The following PLCZ1 variants were observed in gnomAD, a reference collection of about 807,000 sequenced individuals.
PLCZ1 encodes the protein phospholipase C zeta 1.
A neutral mutation model predicts 76.8 loss-of-function variants in PLCZ1; 64 were observed. That is an observed-to-expected ratio of 0.83 (90% CI 0.68 to 1.03). The LOEUF (loss-of-function observed/expected upper bound fraction) is 1.03, where lower values mean the gene tolerates loss of function less well. Among genes scored for constraint, PLCZ1 ranks in the 50% least tolerant of loss-of-function variants. PLCZ1 has a pLI of 0.00. For synonymous variants in PLCZ1, 248 were observed against 230.8 expected, an observed-to-expected ratio of 1.07 and a Z score of -0.68; for missense variants, 751 against 713.7, an observed-to-expected ratio of 1.05 and a Z score of -0.60.
intron 9 of PLCZ1, among the ~76,000 whole-genome samples, chr12:18,700,679 T>A (rs928962805): frequency 1.3e-5 from 2 of 152,262 alleles, no homozygotes; most frequent in Admixed American, 6.5e-5. Context: ...TGACTTTATG[T>A]GAGACACTAT....
chr12:18,678,044 G>T, the PLCZ1 span, among the ~76,000 whole-genome samples: 1 of 152,030 alleles, frequency 6.6e-6, no homozygotes. Context: ...TGACATTGTG[G>T]ATATGTGGAT....
chr12:18,656,142 A>C, the PLCZ1 span, among the ~76,000 whole-genome samples: 6 of 152,152 alleles, frequency 3.9e-5, no homozygotes, highest in Non-Finnish European at 8.8e-5. Flanking sequence ...CAAAAACAGC[A>C]AATATGCTGG....
At chr12:18,696,451 T>C (rs1955051612) in intron 10 of PLCZ1, among the ~76,000 whole-genome samples, 185 bp from the exon 11 acceptor site, 1 of 150,502 alleles carries the variant, frequency 6.6e-6, no homozygotes, top group Non-Finnish European at 1.5e-5. Context: ...TTTATGTTTA[T>C]AGTATAATTC....
intron 7 of PLCZ1, among the ~76,000 whole-genome samples, chr12:18,702,691 T>C (rs925957169): frequency 6.6e-6 from 1 of 152,134 alleles, no homozygotes; most frequent in African/African-American, 2.4e-5. Flanking sequence ...AAGGGACAAA[T>C]TCCTAGGATC....
chr12:18,700,512 C>CAGAAAAAA (rs1955739243), intron 9 of PLCZ1, among the ~76,000 whole-genome samples: 1 of 67,896 alleles, frequency 1.5e-5, no homozygotes, highest in Non-Finnish European at 2.5e-5. Flanking sequence ...AGCCAACGTA[C>CAGAAAAAA]AAAAAAAAAA....
chr12:18,711,596 G>T (rs1174473612), intron 6 of PLCZ1, among the ~76,000 whole-genome samples: 4 of 151,130 alleles, frequency 2.6e-5, no homozygotes, highest in Non-Finnish European at 5.9e-5. Flanking sequence ...AGAATTGACT[G>T]AGGGGACTGA....
At chr12:18,728,951 T>C (rs1018489357) in intron 3 of PLCZ1, among the ~76,000 whole-genome samples, 2 of 151,974 alleles carry the variant, frequency 1.3e-5, no homozygotes, top group Non-Finnish European at 2.9e-5. Context: ...AGTGGCTGAG[T>C]TGATTCCAGG....
At chr12:18,705,675 G>C (rs865919997) in intron 6 of PLCZ1, among the ~76,000 whole-genome samples, 1 of 151,366 alleles carries the variant, frequency 6.6e-6, no homozygotes, top group Non-Finnish European at 1.5e-5. Context: ...AGGCCAGCTT[G>C]TCCAGCATAG....
At chr12:18,732,168 TC>T (rs1449670218) in intron 3 of PLCZ1, among the ~76,000 whole-genome samples, 3 of 152,100 alleles carry the variant, frequency 2.0e-5, no homozygotes, top group Admixed American at 1.3e-4. Context: ...AATTATTTTT[TC>T]CCCACAGGGT....
chr12:18,661,197 A>G, the PLCZ1 span, among the ~76,000 whole-genome samples: 2 of 152,152 alleles, frequency 1.3e-5, no homozygotes, highest in Non-Finnish European at 2.9e-5. Context: ...CCATTGTAAG[A>G]GTTCTGCAAG....
chr12:18,659,663 C>CTTTTTTTTTTTTTTTTTTT, the PLCZ1 span, among the ~76,000 whole-genome samples: 2 of 133,790 alleles, frequency 1.5e-5, no homozygotes, highest in Admixed American at 7.5e-5. Context: ...GTTCTCCATT[C>CTTTTTTTTTTTTTTTTTTT]TTTTTTTTTT....
downstream of PLCZ1, among the ~76,000 whole-genome samples, chr12:18,680,255 A>G (rs114603706): frequency 0.016 from 2,460 of 152,174 alleles, 69 homozygotes; most frequent in African/African-American, 0.057. Flanking sequence ...ACTAACCAAC[A>G]GCACAAGCTT....
chr12:18,662,290 G>A, the PLCZ1 span, among the ~76,000 whole-genome samples: 2 of 134,454 alleles, frequency 1.5e-5, no homozygotes, highest in African/African-American at 5.1e-5. Flanking sequence ...TAGCAAACCT[G>A]AACATGTACC....
the PLCZ1 span, among the ~76,000 whole-genome samples, chr12:18,650,720 A>ATATATATATC: frequency 1.9e-4 from 2 of 10,588 alleles, no homozygotes; most frequent in Non-Finnish European, 3.4e-4. Context: ...ATCTATATAT[A>ATATATATATC]TATATATATA....
Position 18,719,592 on chromosome 12 carries a change from T to C in PLCZ1, c.408A>G (p.Arg136=), listed in dbSNP as rs1380691705. Residue 136 remains arginine, a synonymous_variant, in exon 5 of 15, where the codon AGA becomes AGG. Transcript: ENST00000266505. ...AHQMSLEGFT[R]YMDSRECLLF... is the part of the protein sequence containing the mutation. ...GTAGACATTCACGTGAATCCATGTA[T>C]CTTGTAAAACCTTCTAATGACATTT... 3 of 1,606,766 alleles carry C rather than the reference T, an allele frequency of 1.9e-6. No homozygotes were observed. The highest frequency in any genetic ancestry group is 2.6e-6 in the Non-Finnish European group (3 of 1,176,146).
At chr12:18,700,006 T>A (rs373995875) in intron 9 of PLCZ1, 56 bp from the exon 10 acceptor site, 166 of 1,461,510 alleles carry the variant, frequency 1.1e-4, no homozygotes, top group African/African-American at 3.2e-4. Context: ...GGAAAAAAAA[T>A]TTTTTCTAGT....
chr12:18,662,257 C>T, the PLCZ1 span, among the ~76,000 whole-genome samples: 1 of 151,966 alleles, frequency 6.6e-6, no homozygotes, highest in African/African-American at 2.4e-5. Context: ...CATCAAACCC[C>T]TGCAACATGC....
At chr12:18,656,792 G>A in the PLCZ1 span, among the ~76,000 whole-genome samples, 1 of 151,952 alleles carries the variant, frequency 6.6e-6, no homozygotes, top group Non-Finnish European at 1.5e-5. Context: ...AGGCAGAAAC[G>A]GTCAGAATCA....
intron 2 of PLCZ1, 28 bp downstream of exon 2, chr12:18,737,333 G>A: frequency 6.2e-7 from 1 of 1,606,242 alleles, no homozygotes; most frequent in Non-Finnish European, 8.5e-7. Flanking sequence ...AAGAAGAAGA[G>A]GAGCAGAAAG....
Sources: allele counts gnomAD v4.1 joint callset (sites outside exome capture counted in the v4.1 genomes callset), GRCh38; gene constraint gnomAD v4.1.1; transcripts MANE v1.5; gene names NCBI Gene and HGNC (gene_info 2026-07-23, HGNC 2026-07-21).